The following SUPT3H variants were observed in gnomAD, a reference collection of about 807,000 sequenced individuals.
SUPT3H encodes the protein SPT3 homolog, SAGA and STAGA complex component.
In SUPT3H, 44 loss-of-function variants were observed where a neutral mutation model predicts 44.3. The ratio of observed to expected loss-of-function variants is 0.99; its 90% CI spans 0.78 to 1.28. SUPT3H has a LOEUF of 1.28. Ranked by LOEUF, SUPT3H falls within the 50% of genes most tolerant of loss-of-function variation. The pLI, the probability that SUPT3H is intolerant of heterozygous loss-of-function variation, is 0.00. For synonymous variants in SUPT3H, 124 were observed against 125.6 expected (o/e 0.99, Z 0.09); for missense variants, 380 against 387.1 (o/e 0.98, Z 0.15).
Position 44,912,602 on chromosome 6 carries a change from C to T in SUPT3H, c.912+20051G>A, listed in dbSNP as rs1369471055. On this transcript the variant is annotated intron_variant, in intron 10 of 10. Transcript: ENST00000371459. ...TGGGGCAGGAGTCCTTCTGCCTGGT[C>T]TGAGAGCAGTAGTGCTGCCCCACAA... Among the ~76,000 whole-genome samples, 14 of 152,178 alleles carry T rather than the reference C, an allele frequency of 9.2e-5. No homozygotes were observed. In the East Asian group the frequency reaches 9.6e-4, roughly 10 times the overall value.
chr6:45,131,453 C>G (rs1437294676), intron 2 of SUPT3H, among the ~76,000 whole-genome samples: 4 of 152,020 alleles, frequency 2.6e-5, no homozygotes, highest in Non-Finnish European at 5.9e-5. Context: ...AGATGGGTTT[C>G]TAACATACAT....
chr6:45,339,282 T>A (rs1789271337), intron 2 of SUPT3H, among the ~76,000 whole-genome samples: 1 of 152,138 alleles, frequency 6.6e-6, no homozygotes, highest in African/African-American at 2.4e-5. Flanking sequence ...GAGTAAGTCT[T>A]GGGGAAGAGC....
chr6:44,814,739 T>G (rs1387588165), intron 11 of SUPT3H, among the ~76,000 whole-genome samples: 5 of 152,106 alleles, frequency 3.3e-5, no homozygotes, highest in African/African-American at 1.2e-4. Context: ...TGCAGTGGTG[T>G]GATCTCAGGT....
intron 2 of SUPT3H, among the ~76,000 whole-genome samples, chr6:45,360,079 T>C (rs1300086576): frequency 6.6e-6 from 1 of 152,236 alleles, no homozygotes; most frequent in African/African-American, 2.4e-5. Flanking sequence ...CTAAATTTTG[T>C]AAATCAAAAT....
At chr6:45,018,917 G>A (rs1266062183) in intron 4 of SUPT3H, among the ~76,000 whole-genome samples, 1 of 152,084 alleles carries the variant, frequency 6.6e-6, no homozygotes, top group African/African-American at 2.4e-5. Context: ...GTTTCAGAAG[G>A]AATCGTACCA....
At chr6:45,102,633 C>T (rs543524176) in intron 3 of SUPT3H, among the ~76,000 whole-genome samples, 1 of 152,228 alleles carries the variant, frequency 6.6e-6, no homozygotes, top group South Asian at 2.1e-4. Context: ...ACTATAAATA[C>T]TTCAACAAAG....
intron 1 of SUPT3H, 107 bp downstream of exon 1, chr6:45,377,660 GC>G (rs948041118): frequency 3.3e-5 from 5 of 152,196 alleles, no homozygotes; most frequent in Non-Finnish European, 5.9e-5. Flanking sequence ...CCAGGGCGTG[GC>G]CGGCGCGGGG....
At chr6:45,185,154 AG>A (rs1196548155) in intron 2 of SUPT3H, among the ~76,000 whole-genome samples, 1 of 152,128 alleles carries the variant, frequency 6.6e-6, no homozygotes, top group Non-Finnish European at 1.5e-5. Flanking sequence ...TAGTGTCTAC[AG>A]GGTGCAGCAG....
intron 10 of SUPT3H, among the ~76,000 whole-genome samples, chr6:44,920,746 C>G (rs1377246868): frequency 6.6e-6 from 1 of 152,168 alleles, no homozygotes; most frequent in Non-Finnish European, 1.5e-5. Context: ...AAGTCCTTCT[C>G]AAAATGGCAT....
intron 2 of SUPT3H, among the ~76,000 whole-genome samples, chr6:45,329,259 AATAAACCT>A (rs2150069862): frequency 6.6e-6 from 1 of 152,100 alleles, no homozygotes; most frequent in East Asian, 1.9e-4. Flanking sequence ...ATAACACAGA[AATAAACCT>A]GTAGTACAGT....
At chr6:45,041,259 ACC>A (rs1788490386) in intron 3 of SUPT3H, among the ~76,000 whole-genome samples, 1 of 152,226 alleles carries the variant, frequency 6.6e-6, no homozygotes, top group South Asian at 2.1e-4. Context: ...CAGGGGAGAC[ACC>A]TACATTAGAC....
chr6:45,210,981 C>T (rs1763996079), intron 2 of SUPT3H, among the ~76,000 whole-genome samples: 1 of 152,284 alleles, frequency 6.6e-6, no homozygotes, highest in Non-Finnish European at 1.5e-5. Flanking sequence ...AAGCCTCTTT[C>T]AAGCACCAGT....
At chr6:45,317,987 CAAGT>C (rs1433697573) in intron 2 of SUPT3H, among the ~76,000 whole-genome samples, 3 of 152,054 alleles carry the variant, frequency 2.0e-5, no homozygotes. Context: ...TGCAAAAAAA[CAAGT>C]AACACAATTT....
intron 2 of SUPT3H, among the ~76,000 whole-genome samples, chr6:45,232,652 T>G (rs1768274153): frequency 1.3e-5 from 2 of 152,168 alleles, no homozygotes; most frequent in Admixed American, 6.5e-5. Flanking sequence ...GATGATCCTC[T>G]GGGGCCCAAG....
intron 6 of SUPT3H, among the ~76,000 whole-genome samples, chr6:44,978,675 C>G (rs1267151328): frequency 6.6e-6 from 1 of 152,116 alleles, no homozygotes; most frequent in East Asian, 1.9e-4. Flanking sequence ...GAAGGTCATC[C>G]TTCCTTTCTA....
chr6:44,915,737 T>C (rs1767710730), intron 10 of SUPT3H, among the ~76,000 whole-genome samples: 1 of 152,172 alleles, frequency 6.6e-6, no homozygotes, highest in South Asian at 2.1e-4. Context: ...ACTCAACCAA[T>C]TGCCAATCAG....
chr6:45,036,429 G>T (rs1187875359), intron 3 of SUPT3H, among the ~76,000 whole-genome samples: 1 of 152,074 alleles, frequency 6.6e-6, no homozygotes, highest in South Asian at 2.1e-4. Context: ...TAGCCAAGGT[G>T]GGGTGGGGGA....
At chr6:44,809,166 GTC>G (rs1766347620), downstream of SUPT3H, among the ~76,000 whole-genome samples, 1 of 152,184 alleles carries the variant, frequency 6.6e-6, no homozygotes, top group Non-Finnish European at 1.5e-5. Context: ...TTGTTTATTA[GTC>G]TTGTGTTCAC....
At chr6:45,325,757 C>A (rs1261553922) in intron 2 of SUPT3H, among the ~76,000 whole-genome samples, 3 of 151,838 alleles carry the variant, frequency 2.0e-5, no homozygotes, top group African/African-American at 4.8e-5. Flanking sequence ...TATCTCTTCA[C>A]CACGTGTAGT....
Sources: gnomAD v4.1 joint callset for allele counts (sites outside exome capture counted in the v4.1 genomes callset) on GRCh38, gnomAD v4.1.1 for gene constraint, MANE v1.5 for transcripts, NCBI Gene and HGNC (gene_info 2026-07-23, HGNC 2026-07-21) for gene names.